Variants in SASH1 observed in about 807,000 individuals in gnomAD.
SASH1 encodes the protein SAM and SH3 domain containing 1.
SASH1 carries 44 observed loss-of-function variants against 125.2 expected under a neutral mutation model. The observed-to-expected ratio is 0.35, with a 90% CI of 0.28 to 0.45. The LOEUF (loss-of-function observed/expected upper bound fraction) is 0.45. Ranked by LOEUF, SASH1 falls within the 20% of genes least tolerant of loss-of-function variation. The pLI, the probability that SASH1 is intolerant of heterozygous loss-of-function variation, is 1.00. For missense variants in SASH1, 1,426 were observed against 1,614.5 expected (o/e 0.88, Z 2.00); for synonymous variants, 639 against 649.1 (o/e 0.98, Z 0.24).
chr6:148,503,445 C>T (rs1429254080), intron 8 of SASH1, among the ~76,000 whole-genome samples: 1 of 152,156 alleles, frequency 6.6e-6, no homozygotes, highest in African/African-American at 2.4e-5. Context: ...TTATGGTATA[C>T]TTTGATGGCT....
chr6:148,386,648 G>C (rs919320679), intron 1 of SASH1, among the ~76,000 whole-genome samples: 5 of 152,184 alleles, frequency 3.3e-5, no homozygotes, highest in Admixed American at 1.3e-4. Context: ...CTGGATGAAG[G>C]CAGAAGTTTC....
At chr6:148,309,103 A>AT (rs60194902) in intron 1 of SASH1, among the ~76,000 whole-genome samples, 13,113 of 143,582 alleles carry the variant, frequency 0.091, 901 homozygotes, top group East Asian at 0.22. Flanking sequence ...AAAAAAAAAA[A>AT]GATTCTCTTT....
Position 148,371,424 on chromosome 6 carries a change from AT to A in SASH1, c.157-18695del, listed in dbSNP as rs796355261. Among the ~76,000 whole-genome samples the A allele has an allele frequency of 2.4e-3, 343 of 141,286 alleles. 1 individual carries two copies. The highest frequency in any genetic ancestry group is 7.4e-3 in the Middle Eastern group (2 of 272). The allele number at this position is 141,286 out of a possible 152,430, so 92.7% of individuals were successfully genotyped here. On this transcript the variant is annotated intron_variant, in intron 1 of 19. Transcript: ENST00000367467. ...GGCACCCGCCAGTACACCTAGCTAA[AT>A]TTTTTTTTTTTTTTGTATTTTTAGT... is the stretch of plus-strand genomic sequence containing the variant.
intron 1 of SASH1, among the ~76,000 whole-genome samples, chr6:148,324,601 G>C (rs938109979): frequency 6.6e-6 from 1 of 152,084 alleles, no homozygotes; most frequent in South Asian, 2.1e-4. Context: ...CTTCCTCCAA[G>C]TTCTCAGCTG....
At chr6:148,366,218 T>C (rs9498019) in intron 1 of SASH1, among the ~76,000 whole-genome samples, 116,692 of 152,056 alleles carry the variant, frequency 0.77, 45,137 homozygotes, top group African/African-American at 0.85. Context: ...TGGGACATTG[T>C]GGCTGCAGTG....
chr6:148,315,307 T>A (rs1485800220), intron 1 of SASH1, among the ~76,000 whole-genome samples: 1 of 152,170 alleles, frequency 6.6e-6, no homozygotes, highest in Non-Finnish European at 1.5e-5. Flanking sequence ...TGGTGTTTAG[T>A]TCTTTGCAAA....
At chr6:148,322,881 TTCTTTTTCTTCTTTCTTTC>T (rs1780676469) in intron 1 of SASH1, among the ~76,000 whole-genome samples, 1 of 141,002 alleles carries the variant, frequency 7.1e-6, no homozygotes, top group Non-Finnish European at 1.6e-5. Flanking sequence ...CTTTCTTTCT[TTCTTTTTCTTCTTTCTTTC>T]TCTCTCTTTC....
intron 1 of SASH1, among the ~76,000 whole-genome samples, chr6:148,319,820 A>G (rs1202353815): frequency 3.9e-5 from 6 of 152,074 alleles, no homozygotes; most frequent in Non-Finnish European, 8.8e-5. Context: ...GGCCCGATGT[A>G]TAAGTTTTAA....
chr6:148,474,051 G>T, intron 6 of SASH1, 59 bp from the exon 7 acceptor site: 2 of 1,036,402 alleles, frequency 1.9e-6, no homozygotes, highest in South Asian at 2.7e-5. Flanking sequence ...GTTCCGCATT[G>T]ACGTTCTGTT....
chr6:148,385,965 C>G (rs1196462310), intron 1 of SASH1, among the ~76,000 whole-genome samples: 4 of 152,138 alleles, frequency 2.6e-5, no homozygotes. Flanking sequence ...CGTGGGAACC[C>G]TAATTTGTAG....
intron 4 of SASH1, among the ~76,000 whole-genome samples, chr6:148,456,303 C>G (rs1028779445): frequency 3.3e-5 from 5 of 152,136 alleles, no homozygotes; most frequent in African/African-American, 9.7e-5. Flanking sequence ...CTGCCCGTCT[C>G]TATAGGGATC....
intron 4 of SASH1, among the ~76,000 whole-genome samples, chr6:148,440,932 A>G (rs1776519478): frequency 6.6e-6 from 1 of 152,156 alleles, no homozygotes; most frequent in African/African-American, 2.4e-5. Flanking sequence ...CCTTGACCCA[A>G]CTTGGACCCT....
intron 1 of SASH1, among the ~76,000 whole-genome samples, chr6:148,296,408 G>A (rs1171237005): frequency 6.6e-6 from 1 of 152,188 alleles, no homozygotes; most frequent in Non-Finnish European, 1.5e-5. Flanking sequence ...TTACAGGCAT[G>A]AGCCACTACC....
intron 2 of SASH1, among the ~76,000 whole-genome samples, chr6:148,436,455 T>C (rs1776293858): frequency 6.6e-6 from 1 of 151,756 alleles, no homozygotes; most frequent in African/African-American, 2.4e-5. Flanking sequence ...CAGTGAGCCA[T>C]GATCTCGCCA....
At chr6:148,212,637 G>A in the SASH1 span, among the ~76,000 whole-genome samples, 1 of 152,138 alleles carries the variant, frequency 6.6e-6, no homozygotes, top group Non-Finnish European at 1.5e-5. Flanking sequence ...TGATAGAGAA[G>A]ATAAGAATAG....
At chr6:148,236,896 T>C in the SASH1 span, among the ~76,000 whole-genome samples, 1 of 152,142 alleles carries the variant, frequency 6.6e-6, no homozygotes, top group Non-Finnish European at 1.5e-5. Context: ...TCCTCATGAA[T>C]GGATTAATGT....
chr6:148,206,660 G>A, the SASH1 span, among the ~76,000 whole-genome samples: 1 of 151,946 alleles, frequency 6.6e-6, no homozygotes, highest in African/African-American at 2.4e-5. Context: ...GGTGATGGTA[G>A]GTGCCTGAAA....
chr6:148,491,781 G>A (rs945800556), intron 8 of SASH1, among the ~76,000 whole-genome samples: 8 of 152,066 alleles, frequency 5.3e-5, no homozygotes, highest in African/African-American at 1.4e-4. Context: ...GCCCTGCCTG[G>A]TTTACTTTTG....
chr6:148,429,621 C>T (rs530502639), intron 2 of SASH1, among the ~76,000 whole-genome samples: 1 of 151,820 alleles, frequency 6.6e-6, no homozygotes, highest in South Asian at 2.1e-4. Flanking sequence ...TGTATACCCA[C>T]AGCCCCAGCT....
Sources: allele counts gnomAD v4.1 joint callset (sites outside exome capture counted in the v4.1 genomes callset), GRCh38; gene constraint gnomAD v4.1.1; transcripts MANE v1.5; gene names NCBI Gene and HGNC (gene_info 2026-07-23, HGNC 2026-07-21).